The following TMEM132B variants were observed in gnomAD, a reference collection of about 807,000 sequenced individuals.
TMEM132B encodes the protein transmembrane protein 132B.
In TMEM132B, 18 loss-of-function variants were observed where a neutral mutation model predicts 90.8. The observed-to-expected ratio is 0.20, with a 90% CI of 0.14 to 0.29. The LOEUF (loss-of-function observed/expected upper bound fraction) is 0.29. TMEM132B is among the 10% of genes least tolerant of loss of function. The pLI, the probability that TMEM132B is intolerant of heterozygous loss-of-function variation, is 1.00. For synonymous variants in TMEM132B, 504 were observed against 523.3 expected, an observed-to-expected ratio of 0.96 and a Z score of 0.50; for missense variants, 1,096 against 1,326.8, an observed-to-expected ratio of 0.83 and a Z score of 2.70.
intron 3 of TMEM132B, among the ~76,000 whole-genome samples, chr12:125,416,412 G>T (rs967417195): frequency 6.6e-6 from 1 of 152,208 alleles, no homozygotes; most frequent in East Asian, 1.9e-4. Flanking sequence ...CTCCCAGGAG[G>T]GGGCTCGGAC....
intron 2 of TMEM132B, among the ~76,000 whole-genome samples, chr12:125,388,255 CTA>C (rs1878904117): frequency 6.6e-6 from 1 of 152,036 alleles, no homozygotes; most frequent in African/African-American, 2.4e-5. Context: ...TAGTGAAACC[CTA>C]TCTCTACTAA....
At chr12:125,520,275 A>C (rs1412956825) in intron 4 of TMEM132B, among the ~76,000 whole-genome samples, 5 of 152,290 alleles carry the variant, frequency 3.3e-5, no homozygotes, top group African/African-American at 9.6e-5. Context: ...TTCCACGGAG[A>C]CAGTAAGTCC....
chr12:125,645,807 C>G (rs985246948), intron 6 of TMEM132B, among the ~76,000 whole-genome samples: 3 of 152,140 alleles, frequency 2.0e-5, no homozygotes, highest in African/African-American at 7.2e-5. Flanking sequence ...GGTCATTTGT[C>G]ATGCAGCAAT....
At chr12:125,276,944 T>C (rs1032644405) in intron 1 of TMEM132B, among the ~76,000 whole-genome samples, 3 of 152,174 alleles carry the variant, frequency 2.0e-5, no homozygotes, top group Admixed American at 6.5e-5. Flanking sequence ...AATCAAACGG[T>C]CTTTCATCAC....
At chr12:125,373,675 C>G (rs1878378160) in intron 2 of TMEM132B, among the ~76,000 whole-genome samples, 1 of 152,224 alleles carries the variant, frequency 6.6e-6, no homozygotes, top group Non-Finnish European at 1.5e-5. Context: ...GCCTTTAAAG[C>G]CATCAGCTAT....
chr12:125,289,581 A>G (rs1875474371), intron 1 of TMEM132B, among the ~76,000 whole-genome samples: 1 of 152,240 alleles, frequency 6.6e-6, no homozygotes, highest in African/African-American at 2.4e-5. Context: ...CAGACAGAGA[A>G]TAACAATAGT....
At position 125,432,501 on chromosome 12, in the gene TMEM132B, A is replaced by ATG. The variant is rs111351519; in HGVS notation, c.1106+16834_1106+16835dup. On this transcript the variant is annotated intron_variant, in intron 3 of 8. Coordinates refer to ENST00000682704, the MANE Select transcript of TMEM132B (RefSeq NM_001366854.1). ...TGTATATATATGTATGTGTATATAT[A>ATG]TGTGTGTGTGTATATATATATATAT... 2.7e-4 allele frequency among the ~76,000 whole-genome samples: 8 copies of ATG among 29,998 alleles called. 3 individuals carry two copies. Among genetic ancestry groups the ATG allele is most frequent in the African/African-American group, 3.5e-4 (1 of 2,882 alleles). 19.7% of individuals were successfully genotyped at this position (29,998 alleles called of 152,430 possible).
chr12:125,590,276 T>A lies in TMEM132B; in HGVS notation c.1437+6282T>A, dbSNP rs567174882. On this transcript the variant is annotated intron_variant, in intron 5 of 8. Coordinates refer to ENST00000682704, the MANE Select transcript of TMEM132B (RefSeq NM_001366854.1). ...CAACGTCCACATTCATATCCATGAA[T>A]GTTAACTGCTACTTGATTGTAAGGT... Among the ~76,000 whole-genome samples, 22 of 152,348 alleles carry A rather than the reference T, an allele frequency of 1.4e-4. No individual in the cohort carries two copies. In the South Asian group the frequency reaches 4.6e-3, roughly 32 times the overall value.
intron 3 of TMEM132B, among the ~76,000 whole-genome samples, chr12:125,475,248 G>A (rs974125962): frequency 3.3e-5 from 5 of 152,168 alleles, no homozygotes; most frequent in Admixed American, 6.6e-5. Context: ...AGTATCATTA[G>A]CATTGTTATT....
At chr12:125,539,019 C>T (rs915979048) in intron 4 of TMEM132B, among the ~76,000 whole-genome samples, 1 of 152,214 alleles carries the variant, frequency 6.6e-6, no homozygotes, top group Non-Finnish European at 1.5e-5. Flanking sequence ...ACCGCCTGTC[C>T]TGGCCTCCTG....
intron 2 of TMEM132B, among the ~76,000 whole-genome samples, chr12:125,358,049 T>G (rs1877839384): frequency 6.6e-6 from 1 of 152,200 alleles, no homozygotes; most frequent in Non-Finnish European, 1.5e-5. Context: ...GGTCGCCTAT[T>G]ATATGTGGCA....
At chr12:125,281,522 C>T (rs1190589859) in intron 1 of TMEM132B, among the ~76,000 whole-genome samples, 1 of 152,142 alleles carries the variant, frequency 6.6e-6, no homozygotes, top group Non-Finnish European at 1.5e-5. Context: ...TTCCCTTAGC[C>T]TCAATTTTCT....
chr12:125,265,612 G>C (rs1874673212), intron 1 of TMEM132B, among the ~76,000 whole-genome samples: 1 of 152,102 alleles, frequency 6.6e-6, no homozygotes, highest in Non-Finnish European at 1.5e-5. Context: ...TTTGCGAACT[G>C]AACACACTCA....
At chr12:125,472,373 A>G (rs1311497061) in intron 3 of TMEM132B, among the ~76,000 whole-genome samples, 2 of 152,266 alleles carry the variant, frequency 1.3e-5, no homozygotes, top group Non-Finnish European at 2.9e-5. Context: ...CTCCCACTGT[A>G]GTGATAATTC....
intron 5 of TMEM132B, among the ~76,000 whole-genome samples, chr12:125,601,271 C>T (rs920306949): frequency 6.6e-6 from 1 of 152,140 alleles, no homozygotes; most frequent in Non-Finnish European, 1.5e-5. Context: ...GTCTCTCAGA[C>T]CACGGTGAAA....
At position 125,590,508 on chromosome 12, in the gene TMEM132B, A is replaced by G. The variant is rs190937757; in HGVS notation, c.1437+6514A>G. ...ATTTTCTGTTACTGAAAATCTTCAA[A>G]AAGGTAGAAGGTTCCCTGTAGTCAA... On this transcript the variant is annotated intron_variant, in intron 5 of 8. Coordinates refer to ENST00000682704, the MANE Select transcript of TMEM132B (RefSeq NM_001366854.1). Among the ~76,000 whole-genome samples the G allele has an allele frequency of 2.0e-5, 3 of 152,334 alleles. No homozygotes were observed. In the East Asian group the frequency reaches 5.8e-4, roughly 29 times the overall value.
intron 2 of TMEM132B, among the ~76,000 whole-genome samples, chr12:125,357,324 A>C (rs993563134): frequency 6.6e-6 from 1 of 152,148 alleles, no homozygotes; most frequent in Non-Finnish European, 1.5e-5. Context: ...GTGTATCCTA[A>C]ACTTGAGTAA....
intron 3 of TMEM132B, among the ~76,000 whole-genome samples, chr12:125,501,148 C>T (rs1882685692): frequency 6.6e-6 from 1 of 152,128 alleles, no homozygotes. Context: ...CAAACAGCTT[C>T]CTATCTTTGA....
At chr12:125,387,002 A>C (rs1263871042) in intron 2 of TMEM132B, among the ~76,000 whole-genome samples, 2 of 152,194 alleles carry the variant, frequency 1.3e-5, no homozygotes, top group Non-Finnish European at 2.9e-5. Flanking sequence ...AAGTGATGAC[A>C]CACAGTTAAG....
Sources: allele counts gnomAD v4.1 joint callset (sites outside exome capture counted in the v4.1 genomes callset), GRCh38; gene constraint gnomAD v4.1.1; transcripts MANE v1.5; gene names NCBI Gene and HGNC (gene_info 2026-07-23, HGNC 2026-07-21).